NCKAP5: variants seen among roughly 807,000 people sequenced by gnomAD.
The protein encoded by NCKAP5 is NCK associated protein 5.
In NCKAP5, 92 loss-of-function variants were observed where a neutral mutation model predicts 167.0. That is an observed-to-expected ratio of 0.55 (90% CI 0.47 to 0.66). The LOEUF (loss-of-function observed/expected upper bound fraction) is 0.66, where lower values mean the gene tolerates loss of function less well. Ranked by LOEUF, NCKAP5 falls within the 30% of genes least tolerant of loss-of-function variation. NCKAP5 has a pLI of 0.00. For missense variants in NCKAP5, 2,378 were observed against 2,315.0 expected, an observed-to-expected ratio of 1.03 and a Z score of -0.56; for synonymous variants, 891 against 877.4, an observed-to-expected ratio of 1.02 and a Z score of -0.27.
intron 19 of NCKAP5, among the ~76,000 whole-genome samples, chr2:132,679,884 A>T (rs998505796): frequency 6.6e-6 from 1 of 152,148 alleles, no homozygotes; most frequent in Non-Finnish European, 1.5e-5. Flanking sequence ...TGCACATCTC[A>T]AAGTCTATGT....
At chr2:132,925,503 A>G (rs967945392) in intron 8 of NCKAP5, among the ~76,000 whole-genome samples, 1 of 149,734 alleles carries the variant, frequency 6.7e-6, no homozygotes, top group African/African-American at 2.5e-5. Context: ...CGGAGTTTGC[A>G]GTAATCCAAG....
intron 8 of NCKAP5, among the ~76,000 whole-genome samples, chr2:132,955,891 C>A (rs1033985907): frequency 6.6e-6 from 1 of 152,056 alleles, no homozygotes; most frequent in Admixed American, 6.5e-5. Context: ...TTTTGATTTG[C>A]GTTTCTCTAA....
At chr2:132,696,715 A>G (rs994642184) in intron 19 of NCKAP5, among the ~76,000 whole-genome samples, 1 of 151,950 alleles carries the variant, frequency 6.6e-6, no homozygotes, top group Non-Finnish European at 1.5e-5. Context: ...TTAAGGAGAG[A>G]AAAAAAACTC....
At chr2:133,669,245 T>C in the NCKAP5 span, among the ~76,000 whole-genome samples, 2 of 152,210 alleles carry the variant, frequency 1.3e-5, no homozygotes, top group Non-Finnish European at 2.9e-5. Context: ...ATTCAGCTAA[T>C]CTTTCCCCGG....
At chr2:132,781,894 G>A in intron 14 of NCKAP5, 46 bp downstream of exon 14, 1 of 1,542,510 alleles carries the variant, frequency 6.5e-7, no homozygotes, top group East Asian at 2.3e-5. Context: ...TTTAAAGGTG[G>A]TGGAGGGACC....
chr2:133,465,662 C>T (rs1337740339), intron 3 of NCKAP5, among the ~76,000 whole-genome samples: 3 of 152,074 alleles, frequency 2.0e-5, no homozygotes, highest in East Asian at 1.9e-4. Context: ...ACATCCTCTC[C>T]AGCACCTGTT....
intron 9 of NCKAP5, among the ~76,000 whole-genome samples, chr2:132,874,723 T>C (rs1454785049): frequency 6.6e-6 from 1 of 152,124 alleles, no homozygotes; most frequent in Admixed American, 6.5e-5. Flanking sequence ...TCTCCAACTT[T>C]TCGTGCAGAA....
intron 3 of NCKAP5, among the ~76,000 whole-genome samples, chr2:133,513,621 G>C (rs116187975): frequency 2.2e-4 from 34 of 152,304 alleles, no homozygotes; most frequent in Non-Finnish European, 4.9e-4. Flanking sequence ...TAACGATTTG[G>C]ATACAAACAG....
chr2:132,815,702 G>T (rs1320263020), intron 11 of NCKAP5, among the ~76,000 whole-genome samples: 1 of 152,120 alleles, frequency 6.6e-6, no homozygotes, highest in Non-Finnish European at 1.5e-5. Flanking sequence ...AAAGCCAATG[G>T]TTGAGTCACA....
chr2:133,236,248 A>C (rs1028840505), intron 4 of NCKAP5, among the ~76,000 whole-genome samples: 2 of 152,162 alleles, frequency 1.3e-5, no homozygotes, highest in Non-Finnish European at 2.9e-5. Context: ...AAACACCATA[A>C]GGTTATGCAC....
At chr2:133,346,997 A>T (rs1684021955) in intron 3 of NCKAP5, among the ~76,000 whole-genome samples, 7 of 152,252 alleles carry the variant, frequency 4.6e-5, no homozygotes, top group Admixed American at 4.6e-4. Flanking sequence ...CCCTGCCCTG[A>T]AAATGAACAT....
chr2:132,703,563 C>T (rs1425922535), intron 19 of NCKAP5, among the ~76,000 whole-genome samples: 3 of 152,092 alleles, frequency 2.0e-5, no homozygotes, highest in African/African-American at 4.8e-5. Flanking sequence ...AACAATGAGT[C>T]AGATTTTCCT....
At chr2:132,676,079 A>G (rs1392921929) in intron 19 of NCKAP5, among the ~76,000 whole-genome samples, 1 of 152,126 alleles carries the variant, frequency 6.6e-6, no homozygotes, top group Non-Finnish European at 1.5e-5. Context: ...AGCTACTTAG[A>G]TCTAGCTATG....
At chr2:133,468,439 TC>T (rs1692770490) in intron 3 of NCKAP5, among the ~76,000 whole-genome samples, 1 of 150,826 alleles carries the variant, frequency 6.6e-6, no homozygotes, top group Admixed American at 6.6e-5. Flanking sequence ...AAGTATGTGG[TC>T]AATTTTGGAA....
At chr2:133,475,155 G>A (rs1025981632) in intron 3 of NCKAP5, among the ~76,000 whole-genome samples, 5 of 152,182 alleles carry the variant, frequency 3.3e-5, no homozygotes, top group African/African-American at 1.2e-4. Flanking sequence ...TTAGATAGTG[G>A]TAATGGATTT....
intron 3 of NCKAP5, among the ~76,000 whole-genome samples, chr2:133,424,469 T>C (rs2151101850): frequency 6.6e-6 from 1 of 152,352 alleles, no homozygotes; most frequent in African/African-American, 2.4e-5. Context: ...TTCTTTAAAA[T>C]TCAGTTGACT....
chr2:132,677,818 A>G (rs918211146), intron 19 of NCKAP5, among the ~76,000 whole-genome samples: 4 of 152,032 alleles, frequency 2.6e-5, no homozygotes, highest in Non-Finnish European at 4.4e-5. Flanking sequence ...AAAAGTTTTG[A>G]CTTCCAAACT....
intron 3 of NCKAP5, among the ~76,000 whole-genome samples, chr2:133,501,085 C>T (rs1047248603): frequency 2.6e-5 from 4 of 152,172 alleles, no homozygotes; most frequent in South Asian, 4.1e-4. Flanking sequence ...CGCTGGGCTC[C>T]GTCCTTTGAT....
chr2:133,602,658 C>T, the NCKAP5 span, among the ~76,000 whole-genome samples: 1 of 152,178 alleles, frequency 6.6e-6, no homozygotes, highest in Non-Finnish European at 1.5e-5. Flanking sequence ...CTCAACTCTG[C>T]AGCAGTAGAC....
Sources: gnomAD v4.1 joint callset for allele counts (sites outside exome capture counted in the v4.1 genomes callset) on GRCh38, gnomAD v4.1.1 for gene constraint, MANE v1.5 for transcripts, NCBI Gene and HGNC (gene_info 2026-07-23, HGNC 2026-07-21) for gene names.